The following SUSD6 variants were observed in gnomAD, a reference collection of about 807,000 sequenced individuals.
SUSD6 encodes sushi domain containing 6.
Under a neutral mutation model 28.4 loss-of-function variants are expected in SUSD6, and 16 were observed. The observed-to-expected ratio is 0.56, with a 90% CI of 0.38 to 0.86. The LOEUF is 0.86. Ranked by LOEUF, SUSD6 falls within the 40% of genes least tolerant of loss-of-function variation. The probability of loss-of-function intolerance (pLI) is 0.00; values close to 1 mark genes in which losing one functional copy is unlikely to be tolerated. For missense variants in SUSD6, 341 were observed against 384.2 expected, an observed-to-expected ratio of 0.89 and a Z score of 0.94; for synonymous variants, 147 against 159.6, an observed-to-expected ratio of 0.92 and a Z score of 0.59.
rs1217318697 is a variant in SUSD6 at position 69,714,134 on chromosome 14, G to A, written c.*3155G>A. On this transcript the variant is annotated 3_prime_UTR_variant, in exon 6 of 6. Coordinates refer to ENST00000342745, the MANE Select transcript of SUSD6 (RefSeq NM_014734.4). ...TTCAATGTACATTCTATAAATACAAGCACTCCATTTGCAAACAGATCTTAA... is the reference window on the plus strand; with the variant it reads ...TTCAATGTACATTCTATAAATACAAACACTCCATTTGCAAACAGATCTTAA... 2 of 152,170 alleles carry A rather than the reference G, an allele frequency of 1.3e-5. No individual in the cohort carries two copies. The highest frequency in any genetic ancestry group is 2.9e-5 in the Non-Finnish European group (2 of 68,034). 9.4% of individuals were successfully genotyped at this position (152,170 alleles called of 1,614,324 possible).
rs1885618963 is a variant in SUSD6 at position 69,658,629 on chromosome 14, G to T, written c.37G>T (p.Val13Leu). The change falls in exon 2 of 6, where the codon GTG becomes TTG. Residue 13 changes from valine (V) to leucine (L), a missense_variant. Val to Leu is a conservative substitution (Grantham distance 32). Coordinates refer to ENST00000342745, the MANE Select transcript of SUSD6 (RefSeq NM_014734.4). ...HGRIAPKSTSVFAVASVGHGV... is the reference protein window; with the variant it reads ...HGRIAPKSTSLFAVASVGHGV... Reference sequence around the variant, plus strand: ...CAGGATAGCACCAAAGAGCACCTCAGTGTTTGCCGTGGCCTCCGTGGGACA... The same window carrying T: ...CAGGATAGCACCAAAGAGCACCTCATTGTTTGCCGTGGCCTCCGTGGGACA... 1 of 1,614,208 alleles carries T rather than the reference G, an allele frequency of 6.2e-7. No individual in the cohort carries two copies. The highest frequency in any genetic ancestry group is 8.5e-7 in the Non-Finnish European group (1 of 1,180,010).
rs118183378 is a variant in SUSD6, at chr14:69,625,216, G to A, written c.-81+13388G>A. ...GAGTTAAGAGTAGTGTGTATTCCAC[G>A]GGGGGTTTTGAGGATTAAATGATTC... is the stretch of plus-strand genomic sequence containing the variant. On this transcript the variant is annotated intron_variant, in intron 1 of 5. Coordinates refer to ENST00000342745, the MANE Select transcript of SUSD6 (RefSeq NM_014734.4). 0.014 allele frequency among the ~76,000 whole-genome samples: 2,111 copies of A among 152,236 alleles called. 77 individuals carry two copies. In the South Asian group the frequency reaches 0.14, roughly 10 times the overall value.
intron 1 of SUSD6, among the ~76,000 whole-genome samples, chr14:69,645,707 A>G (rs1595039986): frequency 6.9e-6 from 1 of 144,136 alleles, no homozygotes; most frequent in African/African-American, 2.6e-5. Context: ...CTTCTTTTTC[A>G]CTCCCTTCCC....
At chr14:69,617,813 G>A (rs2139588988) in intron 1 of SUSD6, among the ~76,000 whole-genome samples, 1 of 152,320 alleles carries the variant, frequency 6.6e-6, no homozygotes, top group East Asian at 1.9e-4. Flanking sequence ...CTAGGTTGGG[G>A]AGTGGAATGC....
chr14:69,678,854 C>G (rs1486135688), intron 2 of SUSD6, among the ~76,000 whole-genome samples: 1 of 152,142 alleles, frequency 6.6e-6, no homozygotes, highest in African/African-American at 2.4e-5. Context: ...AAAAACAATG[C>G]TGCAAGGAAC....
intron 1 of SUSD6, among the ~76,000 whole-genome samples, chr14:69,637,487 T>C (rs1227757604): frequency 6.6e-6 from 1 of 152,168 alleles, no homozygotes; most frequent in Non-Finnish European, 1.5e-5. Flanking sequence ...CAGTGCGCTC[T>C]GGGAACTGTT....
At chr14:69,622,274 C>T (rs1356364057) in intron 1 of SUSD6, among the ~76,000 whole-genome samples, 1 of 152,162 alleles carries the variant, frequency 6.6e-6, no homozygotes, top group Non-Finnish European at 1.5e-5. Context: ...ATGCGATCCT[C>T]CCACCTCAGC....
chr14:69,648,038 G>A (rs1042048408), intron 1 of SUSD6, among the ~76,000 whole-genome samples: 1 of 152,152 alleles, frequency 6.6e-6, no homozygotes, highest in Admixed American at 6.5e-5. Context: ...TCTTCAAGTA[G>A]AGATCGTCTG....
intron 1 of SUSD6, among the ~76,000 whole-genome samples, chr14:69,652,441 A>T (rs960091011): frequency 3.9e-5 from 6 of 152,156 alleles, no homozygotes; most frequent in African/African-American, 1.4e-4. Flanking sequence ...CAACAGAGTG[A>T]GACTCTGTCT....
chr14:69,698,886 G>C (rs1475333469), intron 2 of SUSD6, among the ~76,000 whole-genome samples: 4 of 152,100 alleles, frequency 2.6e-5, no homozygotes. Flanking sequence ...AAAATTGTCT[G>C]GCTTTCTCCT....
chr14:69,639,024 A>G (rs532743944), intron 1 of SUSD6, among the ~76,000 whole-genome samples: 11 of 152,276 alleles, frequency 7.2e-5, no homozygotes, highest in African/African-American at 2.6e-4. Flanking sequence ...TCTTTGGATC[A>G]TTAGAAGTAG....
chr14:69,679,653 T>C (rs1263868427), intron 2 of SUSD6, among the ~76,000 whole-genome samples: 1 of 152,126 alleles, frequency 6.6e-6, no homozygotes, highest in Non-Finnish European at 1.5e-5. Flanking sequence ...ACAATTCTTC[T>C]TTCAATGTGG....
Position 69,660,013 on chromosome 14 carries a change from A to G in SUSD6, c.121+1300A>G, listed in dbSNP as rs377375933. 2.2e-4 allele frequency among the ~76,000 whole-genome samples: 34 copies of G among 152,268 alleles called. No individual in the cohort carries two copies. In the South Asian group the frequency reaches 4.8e-3, roughly 21 times the overall value. On this transcript the variant is annotated intron_variant, in intron 2 of 5. Coordinates refer to ENST00000342745, the MANE Select transcript of SUSD6 (RefSeq NM_014734.4). ...TCCAGAATCATCATTGAACTCACCAATACTGGTGTTCCTACTGGACTTTGT... is the reference window on the plus strand; with the variant it reads ...TCCAGAATCATCATTGAACTCACCAGTACTGGTGTTCCTACTGGACTTTGT...
chr14:69,616,750 T>C (rs1645557852), intron 1 of SUSD6, among the ~76,000 whole-genome samples: 1 of 152,178 alleles, frequency 6.6e-6, no homozygotes, highest in Admixed American at 6.5e-5. Context: ...TTCTGTTTTT[T>C]CCATCTTCAG....
chr14:69,632,662 A>C (rs938331554), intron 1 of SUSD6, among the ~76,000 whole-genome samples: 1 of 151,544 alleles, frequency 6.6e-6, no homozygotes, highest in Non-Finnish European at 1.5e-5. Context: ...TAAAAAAAAA[A>C]AACAAAACAC....
At chr14:69,639,468 CA>C (rs2139601900) in intron 1 of SUSD6, among the ~76,000 whole-genome samples, 1 of 152,190 alleles carries the variant, frequency 6.6e-6, no homozygotes, top group East Asian at 1.9e-4. Context: ...GAATCACAGC[CA>C]GGGGCAGAGC....
intron 1 of SUSD6, among the ~76,000 whole-genome samples, chr14:69,638,082 A>G (rs1305115728): frequency 2.0e-5 from 3 of 152,150 alleles, no homozygotes; most frequent in South Asian, 2.1e-4. Context: ...TTTATGTTAC[A>G]TAAGACAGCA....
intron 1 of SUSD6, among the ~76,000 whole-genome samples, chr14:69,643,551 A>G (rs17107164): frequency 0.018 from 2,815 of 152,272 alleles, 82 homozygotes; most frequent in African/African-American, 0.064. Flanking sequence ...CCTCCTGATC[A>G]TGGTCCCATT....
chr14:69,706,168 G>A (rs567379769), intron 4 of SUSD6, among the ~76,000 whole-genome samples: 20 of 152,262 alleles, frequency 1.3e-4, no homozygotes, highest in Middle Eastern at 3.4e-3. Flanking sequence ...TTAATTAATA[G>A]GATGAAGAGG....
Sources: allele counts gnomAD v4.1 joint callset (sites outside exome capture counted in the v4.1 genomes callset), GRCh38; gene constraint gnomAD v4.1.1; transcripts MANE v1.5; gene names NCBI Gene and HGNC (gene_info 2026-07-23, HGNC 2026-07-21).